The following CD55 variants were observed in gnomAD, a reference collection of about 807,000 sequenced individuals.
CD55 encodes CD55 molecule (Cromer blood group), also known as complement decay-accelerating factor.
CD55 carries 41 observed loss-of-function variants against 45.8 expected under a neutral mutation model. The observed-to-expected ratio is 0.90, with a 90% confidence interval of 0.70 to 1.16. CD55 has a LOEUF of 1.16. CD55 is among the 50% of genes most tolerant of loss of function. The pLI is 0.00. For missense variants in CD55, 416 were observed against 469.8 expected, an observed-to-expected ratio of 0.89 and a Z score of 1.06; for synonymous variants, 181 against 181.1, an observed-to-expected ratio of 1.00 and a Z score of 0.01.
At chr1:207,335,946 A>G (rs1475870956) in intron 6 of CD55, among the ~76,000 whole-genome samples, 1 of 152,192 alleles carries the variant, frequency 6.6e-6, no homozygotes, top group Non-Finnish European at 1.5e-5. Context: ...TAGAAGGGTT[A>G]GGGACTTGCT....
chr1:207,322,633 C>T lies in CD55; in HGVS notation c.286+66C>T, dbSNP rs147086040. On this transcript the variant is annotated intron_variant, in intron 2 of 9. Coordinates refer to ENST00000367064, the MANE Select transcript of CD55 (RefSeq NM_000574.5). Reference sequence around the variant, plus strand: ...TGTATCTTAAATTTATTTTTATATACCTTTGGAGTGACTAGTAATTGATAG... The same window carrying T: ...TGTATCTTAAATTTATTTTTATATATCTTTGGAGTGACTAGTAATTGATAG... 8.5e-3 allele frequency: 11,279 copies of T among 1,321,596 alleles called. 61 individuals are homozygous for T. The highest frequency in any genetic ancestry group is 0.011 in the Non-Finnish European group (10,231 of 958,894). The allele number at this position is 1,321,596 out of a possible 1,614,324, so 81.9% of individuals were successfully genotyped here.
At position 207,340,773 on chromosome 1, in the gene CD55, T is replaced by C. The variant is rs1655392866; in HGVS notation, c.1081+1356T>C. The C allele has an allele frequency of 6.7e-6, 3 of 450,540 alleles. No individual in the cohort carries two copies. The South Asian group carries it at 1.3e-4, about 20-fold the overall frequency. The allele number at this position is 450,540 out of a possible 1,614,324, so 27.9% of individuals were successfully genotyped here. A position where few individuals can be genotyped will look rare whatever the true frequency, so the allele number is the denominator to read the frequency against. On this transcript the variant is annotated intron_variant, in intron 9 of 9. Transcript: ENST00000367064. ...AAATATGTGAATGCACATATCTTTT[T>C]GATATATTGGTTTTATTTTCCTTTG... is the stretch of plus-strand genomic sequence containing the variant.
Position 207,356,211 on chromosome 1 carries a change from T to A in CD55, c.1082-3335T>A, listed in dbSNP as rs1656069388. 3.3e-5 allele frequency among the ~76,000 whole-genome samples: 5 copies of A among 152,200 alleles called. 1 individual carries two copies. The South Asian group carries it at 1.0e-3, about 31-fold the overall frequency. On this transcript the variant is annotated intron_variant, in intron 9 of 9. Coordinates refer to ENST00000367064, the MANE Select transcript of CD55 (RefSeq NM_000574.5). ...GTCATTGGACTATGGAAAATCAGAG[T>A]GAGCAGAAATTCTGATGATTTTTAA...
Position 207,322,564 on chromosome 1 carries a change from AATCGTAAGTTCTTC to A in CD55, c.286+1_286+14del. 1 of 1,595,294 alleles carries A rather than the reference AATCGTAAGTTCTTC, an allele frequency of 6.3e-7. No individual in the cohort carries two copies. Among genetic ancestry groups the A allele is most frequent in the South Asian group, 1.1e-5 (1 of 87,672 alleles). On this transcript the variant is annotated splice_donor_variant and splice_donor_5th_base_variant and coding_sequence_variant and intron_variant, in exon 2 of 10. Transcript: ENST00000367064. LOFTEE classifies it high-confidence loss of function. ...ATGGTCAGATATTGAAGAGTTCTGC[AATCGTAAGTTCTTC>A]ATCTTTTTAGAAAAGTTCTGGGAAT...
At chr1:207,343,738 A>G (rs1432097974) in intron 9 of CD55, among the ~76,000 whole-genome samples, 1 of 152,160 alleles carries the variant, frequency 6.6e-6, no homozygotes, top group Non-Finnish European at 1.5e-5. Context: ...TTTTGTCCAG[A>G]TGAGCTAATG....
rs577883456 is a variant in CD55, at chr1:207,323,163, A to G, written c.286+596A>G. On this transcript the variant is annotated intron_variant, in intron 2 of 9. Transcript: ENST00000367064. Reference sequence around the variant, plus strand: ...TATGTATATATATAAATTGGGATATATATATAGGGAGAGAGATATATATAA... The same window carrying G: ...TATGTATATATATAAATTGGGATATGTATATAGGGAGAGAGATATATATAA... Among the ~76,000 whole-genome samples the G allele has an allele frequency of 5.9e-4, 89 of 151,370 alleles. No homozygotes were observed. In the South Asian group the frequency reaches 0.018, roughly 31 times the overall value.
intron 9 of CD55, among the ~76,000 whole-genome samples, chr1:207,344,979 G>A (rs1000117414): frequency 6.6e-5 from 10 of 152,136 alleles, no homozygotes; most frequent in Non-Finnish European, 1.2e-4. Flanking sequence ...GCCTCCCAAA[G>A]TGCTGGGATT....
chr1:207,349,311 T>G (rs1655774816), intron 9 of CD55, among the ~76,000 whole-genome samples: 1 of 151,938 alleles, frequency 6.6e-6, no homozygotes, highest in Admixed American at 6.6e-5. Flanking sequence ...GCCTCCCAAG[T>G]AGCTACGATT....
chr1:207,324,566 C>G lies in CD55; in HGVS notation c.294C>G (p.Cys98Trp). The G allele has an allele frequency of 1.3e-6, 2 of 1,549,036 alleles. No homozygotes were observed. Among genetic ancestry groups the G allele is most frequent in the African/African-American group, 1.4e-5 (1 of 72,668 alleles). The part of the protein sequence containing the change: ...SDIEEFCNRS[C>W]EVPTRLNSAS... ...TTTTGTTAATACTTTTAGGTAGCTG[C>G]GAGGTGCCAACAAGGCTAAATTCTG... The change falls in exon 3 of 10, where the codon TGC becomes TGG. Residue 98 changes from cysteine to tryptophan, a missense_variant. Around this residue, in one of 3 missense-constraint regions of CD55, gnomAD observed 111 missense variants for 163.4 expected, o/e 0.68. Transcript: ENST00000367064.
intron 9 of CD55, among the ~76,000 whole-genome samples, chr1:207,357,940 A>T (rs1436357645): frequency 6.6e-6 from 1 of 152,194 alleles, no homozygotes; most frequent in Non-Finnish European, 1.5e-5. Flanking sequence ...TTATTGTAGC[A>T]AAAGTTATGT....
chr1:207,347,067 T>C, intron 9 of CD55: 1 of 455,702 alleles, frequency 2.2e-6, no homozygotes, highest in South Asian at 1.6e-5. Flanking sequence ...GTCACTTGTT[T>C]GTTAAATTCT....
chr1:207,337,499 T>G, intron 8 of CD55, 90 bp downstream of exon 8: 1 of 748,976 alleles, frequency 1.3e-6, no homozygotes, highest in South Asian at 1.5e-5. Context: ...GATTAAATGG[T>G]CTCTAATTTA....
At chr1:207,346,140 G>A (rs939404956) in intron 9 of CD55, among the ~76,000 whole-genome samples, 1 of 152,218 alleles carries the variant, frequency 6.6e-6, no homozygotes, top group African/African-American at 2.4e-5. Flanking sequence ...TAGTAGTGGT[G>A]GGACAACCCT....
intron 5 of CD55, 95 bp downstream of exon 5, chr1:207,326,932 T>A: frequency 1.2e-6 from 1 of 854,906 alleles, no homozygotes; most frequent in Non-Finnish European, 1.9e-6. Flanking sequence ...ACAGTGTGTA[T>A]TTGTAGCAAA....
chr1:207,358,326 TGTG>T (rs1195053663), intron 9 of CD55, among the ~76,000 whole-genome samples: 1 of 152,214 alleles, frequency 6.6e-6, no homozygotes, highest in Non-Finnish European at 1.5e-5. Flanking sequence ...CAAGTGATAA[TGTG>T]GTTTCATTTA....
chr1:207,337,305 G>T (rs147364529), intron 7 of CD55, 24 bp from the exon 8 acceptor site: 9 of 1,468,904 alleles, frequency 6.1e-6, no homozygotes, highest in Non-Finnish European at 7.6e-6. Flanking sequence ...AGTACACAAA[G>T]ATTCCCTTCT....
intron 5 of CD55, 113 bp downstream of exon 5, chr1:207,326,950 T>C (rs1359496394): frequency 9.5e-6 from 6 of 632,958 alleles, no homozygotes; most frequent in Non-Finnish European, 1.4e-5. Context: ...AAACCCACCT[T>C]TCAATATATG....
intron 9 of CD55, chr1:207,347,052 A>G (rs781467599): frequency 5.1e-5 from 23 of 454,658 alleles, no homozygotes; most frequent in Non-Finnish European, 1.0e-4. Context: ...GCTTTGGTGC[A>G]TCCTGTCACT....
intron 9 of CD55, among the ~76,000 whole-genome samples, chr1:207,347,834 T>C (rs1655710416): frequency 6.6e-6 from 1 of 152,192 alleles, no homozygotes; most frequent in African/African-American, 2.4e-5. Context: ...GATGCAGTAT[T>C]TGGTTTTCTG....
Sources: allele counts gnomAD v4.1 joint callset (sites outside exome capture counted in the v4.1 genomes callset), GRCh38; gene constraint gnomAD v4.1.1; regional missense constraint gnomAD v4.1.1; transcripts MANE v1.5; gene names NCBI Gene and HGNC (gene_info 2026-07-23, HGNC 2026-07-21).